NOL4L: variants seen among roughly 807,000 people sequenced by gnomAD.
The protein encoded by NOL4L is nucleolar protein 4 like.
A neutral mutation model predicts 64.5 loss-of-function variants in NOL4L; 7 were observed. The ratio of observed to expected loss-of-function variants is 0.11; its 90% CI spans 0.06 to 0.20. The LOEUF (loss-of-function observed/expected upper bound fraction) is 0.20. Among genes scored for constraint, NOL4L ranks in the 10% least tolerant of loss-of-function variants. The pLI, the probability that NOL4L is intolerant of heterozygous loss-of-function variation, is 1.00. For synonymous variants in NOL4L, 413 were observed against 401.0 expected (o/e 1.03, Z -0.36); for missense variants, 680 against 967.1 (o/e 0.70, Z 3.94).
intron 1 of NOL4L, among the ~76,000 whole-genome samples, chr20:32,541,007 C>CCA (rs2018644646): frequency 5.2e-5 from 3 of 57,478 alleles, no homozygotes; most frequent in Non-Finnish European, 1.4e-4. Context: ...TCGCCACCCC[C>CCA]TACACACACA....
chr20:32,491,461 G>A (rs1473010911), intron 4 of NOL4L, among the ~76,000 whole-genome samples: 1 of 152,188 alleles, frequency 6.6e-6, no homozygotes, highest in Non-Finnish European at 1.5e-5. Context: ...CGCGTTTGTG[G>A]TACTTTCTGT....
intron 4 of NOL4L, chr20:32,483,527 C>G: frequency 2.1e-6 from 2 of 972,808 alleles, no homozygotes; most frequent in Non-Finnish European, 2.4e-6. Flanking sequence ...GGCCCGGGGG[C>G]GGGGGTGGCC....
rs147619313 is a variant in NOL4L at position 32,573,269 on chromosome 20, G to A, written c.321+11301C>T. ...TGGGCTCAAGTAATCCTCACACTTCGGCCTCCCAAAATGCTGGGATTACAG... is the reference window on the plus strand; with the variant it reads ...TGGGCTCAAGTAATCCTCACACTTCAGCCTCCCAAAATGCTGGGATTACAG... On this transcript the variant is annotated intron_variant, in intron 1 of 10. Transcript: ENST00000621426. 2.0e-3 allele frequency among the ~76,000 whole-genome samples: 309 copies of A among 152,122 alleles called. 3 individuals are homozygous for A. In the East Asian group the frequency reaches 0.021, roughly 10 times the overall value.
intron 5 of NOL4L, among the ~76,000 whole-genome samples, chr20:32,470,076 C>G (rs556293249): frequency 1.3e-4 from 20 of 152,236 alleles, no homozygotes; most frequent in Non-Finnish European, 2.2e-4. Context: ...CTCAGCAATC[C>G]CCCGACTGCC....
At chr20:32,513,228 C>T (rs868492459) in intron 3 of NOL4L, among the ~76,000 whole-genome samples, 1 of 152,136 alleles carries the variant, frequency 6.6e-6, no homozygotes, top group South Asian at 2.1e-4. Flanking sequence ...GGTGACAGGG[C>T]CGAGGTCCAG....
intron 4 of NOL4L, among the ~76,000 whole-genome samples, chr20:32,476,426 C>T (rs2015405688): frequency 1.3e-5 from 2 of 152,186 alleles, no homozygotes; most frequent in South Asian, 2.1e-4. Flanking sequence ...ATGCGGGCTC[C>T]GGGAACCAGG....
At position 32,447,389 on chromosome 20, in the gene NOL4L, G is replaced by A. The variant is rs544392323; in HGVS notation, c.*207C>T. 1.2e-4 allele frequency: 70 copies of A among 608,102 alleles called. No individual in the cohort carries two copies. In the African/African-American group the frequency reaches 1.3e-3, roughly 11 times the overall value. The allele number at this position is 608,102 out of a possible 1,614,324, so 37.7% of individuals were successfully genotyped here. ...CTCTTCCAAGCAGGTCAGAGCACCC[G>A]TGTGGTGAGATTCCAAAAAAAAAAA... On this transcript the variant is annotated 3_prime_UTR_variant, in exon 11 of 11. Transcript: ENST00000621426.
At chr20:32,509,517 C>CAAAAAAAAAAAA (rs71338441) in intron 4 of NOL4L, among the ~76,000 whole-genome samples, 1 of 62,844 alleles carries the variant, frequency 1.6e-5, no homozygotes, top group Non-Finnish European at 3.3e-5. Flanking sequence ...GACTCTGCCT[C>CAAAAAAAAAAAA]AAAAAAAAAA....
In NOL4L at chr20:32,445,458, T is replaced by C. The variant is rs1441249567; in HGVS notation, c.*2138A>G. 6.7e-6 allele frequency: 1 copy of C among 149,824 alleles called. No individual in the cohort carries two copies. The highest frequency in any genetic ancestry group is 2.6e-5 in the African/African-American group (1 of 39,132). 9.3% of individuals were successfully genotyped at this position (149,824 alleles called of 1,614,324 possible). On this transcript the variant is annotated 3_prime_UTR_variant, in exon 11 of 11. Transcript: ENST00000621426. ...TAGGGTGGCGATTGTCTCTGCCAGG[T>C]TTTAACATTAAGATTTTCACAAATA...
intron 1 of NOL4L, among the ~76,000 whole-genome samples, chr20:32,537,554 T>C (rs1428130244): frequency 6.6e-6 from 1 of 152,198 alleles, no homozygotes; most frequent in African/African-American, 2.4e-5. Context: ...GTGACAGAGC[T>C]GGGGTTCAAA....
intron 1 of NOL4L, chr20:32,548,644 G>A (rs185063325): frequency 6.9e-6 from 2 of 291,806 alleles, no homozygotes; most frequent in Non-Finnish European, 1.4e-5. Flanking sequence ...CATTATTGCC[G>A]GGAGTGAAAA....
intron 6 of NOL4L, among the ~76,000 whole-genome samples, chr20:32,455,026 C>T (rs1402557995): frequency 3.3e-5 from 5 of 152,188 alleles, no homozygotes; most frequent in East Asian, 3.9e-4. Flanking sequence ...GGCAGGATGC[C>T]GAGGGCCCCC....
intron 6 of NOL4L, among the ~76,000 whole-genome samples, chr20:32,454,557 C>A (rs1488505897): frequency 6.6e-6 from 1 of 152,260 alleles, no homozygotes; most frequent in Non-Finnish European, 1.5e-5. Flanking sequence ...TTCCCCCATG[C>A]CCCTCCATCT....
In NOL4L at chr20:32,452,295, C is replaced by T; in HGVS notation, c.1763G>A (p.Gly588Glu). The T allele has an allele frequency of 6.2e-7, 1 of 1,606,762 alleles. No individual in the cohort carries two copies. Among genetic ancestry groups the T allele is most frequent in the Non-Finnish European group, 8.5e-7 (1 of 1,175,928 alleles). ...GGGCTGCAGGTTGCTGCTCAAGGCC[C>T]CGTACCCGCGGTAACTGTAGTTGAG... ...GGLNYSYRGY[G>E]ALSSNLQPPA... The change falls in exon 10 of 11, where the codon GGG (glycine) becomes GAG (glutamate). Residue 588 changes from glycine to glutamate, a missense_variant. Gly to Glu is a moderately conservative substitution (Grantham distance 98, BLOSUM62 -2). This residue lies in a region of NOL4L where 175 missense variants were observed against 227.0 expected (regional missense o/e 0.77). Transcript: ENST00000621426.
At chr20:32,583,500 C>A (rs1320542858) in intron 1 of NOL4L, among the ~76,000 whole-genome samples, 4 of 134,850 alleles carry the variant, frequency 3.0e-5, no homozygotes, top group Non-Finnish European at 6.5e-5. Flanking sequence ...CGGCGCGGGG[C>A]GGCCCGGCTC....
intron 5 of NOL4L, among the ~76,000 whole-genome samples, chr20:32,473,488 A>AC (rs779518146): frequency 2.0e-5 from 3 of 152,090 alleles, no homozygotes; most frequent in South Asian, 2.1e-4. Flanking sequence ...GCCGGCAGCC[A>AC]CGCACCCCAC....
At chr20:32,554,563 G>A (rs954605504) in intron 1 of NOL4L, among the ~76,000 whole-genome samples, 11 of 152,078 alleles carry the variant, frequency 7.2e-5, no homozygotes, top group African/African-American at 2.7e-4. Context: ...AATATCATAG[G>A]AGGCTCAGAT....
intron 1 of NOL4L, among the ~76,000 whole-genome samples, chr20:32,561,789 A>C (rs1170770372): frequency 6.6e-6 from 1 of 152,176 alleles, no homozygotes; most frequent in Non-Finnish European, 1.5e-5. Context: ...AGGACCTAAA[A>C]GGGTGGTTAT....
chr20:32,473,828 C>T (rs1163287758), intron 5 of NOL4L, among the ~76,000 whole-genome samples: 2 of 152,206 alleles, frequency 1.3e-5, no homozygotes, highest in African/African-American at 4.8e-5. Context: ...TCATCCCTGC[C>T]CCCAACCATC....
Sources: gnomAD v4.1 joint callset for allele counts (sites outside exome capture counted in the v4.1 genomes callset) on GRCh38, gnomAD v4.1.1 for gene constraint, gnomAD v4.1.1 regional missense constraint, MANE v1.5 for transcripts, NCBI Gene and HGNC (gene_info 2026-07-23, HGNC 2026-07-21) for gene names.